Variants in KCTD16 observed in about 807,000 individuals in gnomAD.
KCTD16 encodes the protein potassium channel tetramerization domain containing 16.
In KCTD16, 13 loss-of-function variants were observed where a neutral mutation model predicts 33.2. The observed-to-expected ratio is 0.39, with a 90% confidence interval of 0.25 to 0.62. KCTD16 has a LOEUF of 0.62. Among genes scored for constraint, KCTD16 ranks in the 20% least tolerant of loss-of-function variants. KCTD16 has a pLI of 0.50. For synonymous variants in KCTD16, 197 were observed against 195.3 expected, an observed-to-expected ratio of 1.01 and a Z score of -0.07; for missense variants, 441 against 525.1, an observed-to-expected ratio of 0.84 and a Z score of 1.57.
chr5:144,317,613 A>G (rs1751956209), intron 3 of KCTD16, among the ~76,000 whole-genome samples: 1 of 152,142 alleles, frequency 6.6e-6, no homozygotes, highest in Admixed American at 6.5e-5. Context: ...TTCTAGTGTC[A>G]GTTCCTCTGC....
chr5:144,428,163 G>A (rs1324035766), intron 3 of KCTD16, among the ~76,000 whole-genome samples: 4 of 152,058 alleles, frequency 2.6e-5, no homozygotes, highest in South Asian at 2.1e-4. Context: ...TGTACACTAG[G>A]TACGCCTTCC....
rs189070028 is a variant in KCTD16 at position 144,199,585 on chromosome 5, T to G, written c.-326-6804T>G. Among the ~76,000 whole-genome samples, 865 of 152,266 alleles carry G rather than the reference T, an allele frequency of 5.7e-3. 8 individuals carry two copies. Among genetic ancestry groups the G allele is most frequent in the Non-Finnish European group, 5.3e-3 (361 of 68,016 alleles). Reference sequence around the variant, plus strand: ...ATTTTCAGAAATAAGTATATTTCTGTTGGTTAGGCTTCATGCTGATGAGAT... The same window carrying G: ...ATTTTCAGAAATAAGTATATTTCTGGTGGTTAGGCTTCATGCTGATGAGAT... On this transcript the variant is annotated intron_variant, in intron 2 of 3. Coordinates refer to ENST00000512467, the MANE Select transcript of KCTD16 (RefSeq NM_020768.4).
chr5:144,382,342 C>T (rs1394982327), intron 3 of KCTD16, among the ~76,000 whole-genome samples: 3 of 152,018 alleles, frequency 2.0e-5, no homozygotes, highest in Non-Finnish European at 4.4e-5. Flanking sequence ...ACGCAATTTA[C>T]TCAGGTAATA....
rs1355932491 is a variant in KCTD16, at chr5:144,485,434, G to T, written c.*11320G>T. 1 of 151,800 alleles carries T rather than the reference G, an allele frequency of 6.6e-6. No homozygotes were observed. Among genetic ancestry groups the T allele is most frequent in the Non-Finnish European group, 1.5e-5 (1 of 67,878 alleles). The allele number at this position is 151,800 out of a possible 1,614,324, so 9.4% of individuals were successfully genotyped here. On this transcript the variant is annotated 3_prime_UTR_variant, in exon 4 of 4. Transcript: ENST00000512467. ...ATAAAAAATTAATTTGCTATTAACT[G>T]CTTTCATATTCTGTTTAGTTCTTAT...
intron 3 of KCTD16, among the ~76,000 whole-genome samples, chr5:144,345,283 A>T (rs997112575): frequency 3.3e-5 from 5 of 151,930 alleles, no homozygotes; most frequent in Non-Finnish European, 5.9e-5. Flanking sequence ...GCAGCACACC[A>T]GCATGGCACA....
chr5:144,359,222 G>A (rs1751647313), intron 3 of KCTD16, among the ~76,000 whole-genome samples: 1 of 152,160 alleles, frequency 6.6e-6, no homozygotes, highest in South Asian at 2.1e-4. Flanking sequence ...CTCCCAGAAT[G>A]TTTCTCACAG....
At chr5:144,346,759 C>T (rs1459991152) in intron 3 of KCTD16, among the ~76,000 whole-genome samples, 1 of 151,978 alleles carries the variant, frequency 6.6e-6, no homozygotes, top group East Asian at 1.9e-4. Context: ...GCTCTTAATC[C>T]CTTGTCAGAT....
In KCTD16 at chr5:144,419,797, A is replaced by T. The variant is rs192786351; in HGVS notation, c.833-53863A>T. Among the ~76,000 whole-genome samples the T allele has an allele frequency of 3.5e-3, 533 of 152,274 alleles. 4 individuals are homozygous for T. The highest frequency in any genetic ancestry group is 6.4e-3 in the Non-Finnish European group (435 of 68,018). ...AAAGTTTTTATTTTATCTAATTTTA[A>T]GTAATTTAATTTAAATTAGCCACCT... On this transcript the variant is annotated intron_variant, in intron 3 of 3. Transcript: ENST00000512467.
intron 3 of KCTD16, among the ~76,000 whole-genome samples, chr5:144,425,703 T>C (rs1265072409): frequency 6.6e-6 from 1 of 151,946 alleles, no homozygotes; most frequent in Non-Finnish European, 1.5e-5. Context: ...ACTTGAGCCA[T>C]GACTGAGGCA....
chr5:144,469,331 G>T (rs551608518), intron 3 of KCTD16, among the ~76,000 whole-genome samples: 1 of 152,140 alleles, frequency 6.6e-6, no homozygotes, highest in Non-Finnish European at 1.5e-5. Context: ...CTGTGCTGAG[G>T]CAGACATTAC....
chr5:144,351,338 A>T (rs57838822), intron 3 of KCTD16, among the ~76,000 whole-genome samples: 3,405 of 152,320 alleles, frequency 0.022, 130 homozygotes, highest in African/African-American at 0.077. Context: ...GGAAATGCCA[A>T]TTAAAACCAC....
chr5:144,359,983 T>C (rs1561579763), intron 3 of KCTD16, among the ~76,000 whole-genome samples: 1 of 152,170 alleles, frequency 6.6e-6, no homozygotes, highest in Non-Finnish European at 1.5e-5. Context: ...CCCTGGTCCA[T>C]ACCCAGAATG....
chr5:144,299,898 T>TAAAAAAAAA (rs66821172), intron 3 of KCTD16, among the ~76,000 whole-genome samples: 5 of 128,860 alleles, frequency 3.9e-5, no homozygotes, highest in African/African-American at 1.5e-4. Context: ...CAGAATCATT[T>TAAAAAAAAA]AAAAAAAAAA....
At chr5:144,195,542 G>A (rs1442779644) in intron 2 of KCTD16, among the ~76,000 whole-genome samples, 1 of 152,168 alleles carries the variant, frequency 6.6e-6, no homozygotes, top group Non-Finnish European at 1.5e-5. Flanking sequence ...AGAGGGAGCT[G>A]GTGGAGTCAA....
intron 3 of KCTD16, among the ~76,000 whole-genome samples, chr5:144,215,959 A>C (rs561779120): frequency 6.6e-6 from 1 of 152,328 alleles, no homozygotes; most frequent in East Asian, 1.9e-4. Flanking sequence ...TTTGAATTCT[A>C]GTAACTATTT....
chr5:144,307,958 A>T (rs1294206780), intron 3 of KCTD16, among the ~76,000 whole-genome samples: 1 of 152,200 alleles, frequency 6.6e-6, no homozygotes, highest in Non-Finnish European at 1.5e-5. Context: ...TGCATTTGCC[A>T]TGCTAAGGAA....
intron 3 of KCTD16, among the ~76,000 whole-genome samples, chr5:144,465,167 A>C (rs2126995619): frequency 1.4e-5 from 2 of 146,998 alleles, no homozygotes; most frequent in South Asian, 2.2e-4. Context: ...CTTATCACAT[A>C]CATAGTCTCT....
In KCTD16 at chr5:144,397,720, G is replaced by T. The variant is rs557973763; in HGVS notation, c.833-75940G>T. ...TTCATATGGAGCCAAAAAAGAGCCCGCATTGCCAAGTCAATCCTAAGCCAA... is the reference window on the plus strand; with the variant it reads ...TTCATATGGAGCCAAAAAAGAGCCCTCATTGCCAAGTCAATCCTAAGCCAA... On this transcript the variant is annotated intron_variant, in intron 3 of 3. Coordinates refer to ENST00000512467, the MANE Select transcript of KCTD16 (RefSeq NM_020768.4). Among the ~76,000 whole-genome samples, 5 of 152,228 alleles carry T rather than the reference G, an allele frequency of 3.3e-5. No individual in the cohort carries two copies. The South Asian group carries it at 1.0e-3, about 32-fold the overall frequency.
intron 3 of KCTD16, among the ~76,000 whole-genome samples, chr5:144,226,915 G>A (rs1182482754): frequency 1.3e-5 from 2 of 152,050 alleles, no homozygotes; most frequent in African/African-American, 4.8e-5. Context: ...ACATTTGAGG[G>A]TGGTGTATTT....
Sources: allele counts gnomAD v4.1 joint callset (sites outside exome capture counted in the v4.1 genomes callset), GRCh38; gene constraint gnomAD v4.1.1; transcripts MANE v1.5; gene names NCBI Gene and HGNC (gene_info 2026-07-23, HGNC 2026-07-21).